Variants in UROS observed in about 807,000 individuals in gnomAD.
The protein encoded by UROS is uroporphyrinogen III synthase, also known as uroporphyrinogen-III synthase.
UROS carries 18 observed loss-of-function variants against 33.0 expected under a neutral mutation model. That is an observed-to-expected ratio of 0.55 (90% CI 0.38 to 0.81). The LOEUF (loss-of-function observed/expected upper bound fraction) is 0.81, where lower values mean the gene tolerates loss of function less well. Ranked by LOEUF, UROS falls within the 30% of genes least tolerant of loss-of-function variation. UROS has a pLI of 0.00. For synonymous variants in UROS, 114 were observed against 121.1 expected (o/e 0.94, Z 0.38); for missense variants, 293 against 314.9 (o/e 0.93, Z 0.53).
chr10:125,788,109 C>T (rs1237832807), downstream of UROS, among the ~76,000 whole-genome samples: 1 of 152,194 alleles, frequency 6.6e-6, no homozygotes, highest in African/African-American at 2.4e-5. Flanking sequence ...GGTGTGTGGG[C>T]AGAGCCTTCC....
rs375586027 is a variant in UROS at position 125,789,008 on chromosome 10, A to G, written c.661-3T>C. 148 of 1,612,738 alleles carry G rather than the reference A, an allele frequency of 9.2e-5. No homozygotes were observed. Among genetic ancestry groups the G allele is most frequent in the Non-Finnish European group, 1.2e-4 (145 of 1,179,958 alleles). On this transcript the variant is annotated splice_polypyrimidine_tract_variant and splice_region_variant and intron_variant, in intron 9 of 9. Transcript: ENST00000368797. ...GTAGTGGGGCCGATGGCTGCAAACTATAAAGACAGAAGAGAAAACAGGGCT... is the reference window on the plus strand; with the variant it reads ...GTAGTGGGGCCGATGGCTGCAAACTGTAAAGACAGAAGAGAAAACAGGGCT...
chr10:125,800,614 T>C (rs1851769775), intron 6 of UROS, among the ~76,000 whole-genome samples: 1 of 150,294 alleles, frequency 6.7e-6, no homozygotes, highest in Non-Finnish European at 1.5e-5. Flanking sequence ...CAGGCTGGAG[T>C]GCAGTGGTGC....
intron 6 of UROS, among the ~76,000 whole-genome samples, chr10:125,799,175 T>C (rs1851608819): frequency 6.6e-6 from 1 of 152,314 alleles, no homozygotes; most frequent in South Asian, 2.1e-4. Context: ...ATTTCAAGTG[T>C]ATAAAGGCTA....
At chr10:125,785,106 C>A (rs1850606394), downstream of UROS, 1 of 152,178 alleles carries the variant, frequency 6.6e-6, no homozygotes, top group South Asian at 2.1e-4. Flanking sequence ...GTAATAGTGG[C>A]TTAAACAAGA....
chr10:125,788,983 G>A lies in UROS; in HGVS notation c.683C>T (p.Thr228Met), dbSNP rs121908014. 46 of 1,612,774 alleles carry A rather than the reference G, an allele frequency of 2.9e-5. No homozygotes were observed. The highest frequency in any genetic ancestry group is 1.6e-4 in the Middle Eastern group (1 of 6,080). ...GCCCTGGGCGGCCAGCGCGCGAGCC[G>A]TAGTGGGGCCGATGGCTGCAAACTA... Reference protein sequence around the residue: ...QIKFAAIGPTTARALAAQGLP... With the variant: ...QIKFAAIGPTMARALAAQGLP... The change falls in exon 10 of 10, where the codon ACG becomes ATG. Residue 228 changes from threonine (T) to methionine (M), a missense_variant. Thr to Met is a moderately conservative substitution (Grantham distance 81). Coordinates refer to ENST00000368797, the MANE Select transcript of UROS (RefSeq NM_000375.3).
downstream of UROS, chr10:125,788,553 A>G: frequency 7.9e-7 from 1 of 1,267,998 alleles, no homozygotes; most frequent in Non-Finnish European, 1.0e-6. Context: ...CTTTGCACTT[A>G]AAATGACACA....
At chr10:125,807,077 A>T (rs1852397151) in intron 6 of UROS, 1 of 335,936 alleles carries the variant, frequency 3.0e-6, no homozygotes, top group African/African-American at 2.1e-5. Flanking sequence ...GACAGTCCTC[A>T]GTAAGGGGAG....
At chr10:125,789,412 G>A (rs1850762045) in intron 9 of UROS, 1 of 1,119,382 alleles carries the variant, frequency 8.9e-7, no homozygotes, top group Non-Finnish European at 1.1e-6. Context: ...GAATCCCCAA[G>A]AAAGTAGAGC....
Position 125,812,238 on chromosome 10 carries a change from C to A in UROS, c.295G>T (p.Val99Phe). Residue 99 changes from valine (V) to phenylalanine (F), a missense_variant, in exon 5 of 10, where the codon GTT becomes TTT. Transcript: ENST00000368797. The part of the protein sequence containing the change: ...EKWNAKSVYV[V>F]GNATASLVSK... ...CCTAGAGAAGCAGTAGCATTTCCAA[C>A]CACATACACTGACTTGGCATTCCAT... 3.1e-6 allele frequency: 5 copies of A among 1,613,898 alleles called. No homozygotes were observed. Among genetic ancestry groups the A allele is most frequent in the Non-Finnish European group, 4.2e-6 (5 of 1,179,962 alleles).
At chr10:125,805,356 G>A (rs1274969868) in intron 6 of UROS, among the ~76,000 whole-genome samples, 1 of 152,204 alleles carries the variant, frequency 6.6e-6, no homozygotes, top group Non-Finnish European at 1.5e-5. Context: ...AGAGCAGGTC[G>A]GCATGGAGCA....
At chr10:125,819,496 C>T (rs1298503090) in intron 1 of UROS, among the ~76,000 whole-genome samples, 8 of 152,124 alleles carry the variant, frequency 5.3e-5, no homozygotes, top group Admixed American at 5.2e-4. Flanking sequence ...GGCATCTGAT[C>T]CCTGTGCAGT....
intron 6 of UROS, chr10:125,802,831 ATGAGT>A (rs1851957294): frequency 6.7e-7 from 1 of 1,482,530 alleles, no homozygotes; most frequent in African/African-American, 1.4e-5. Context: ...GCTCCTGGAG[ATGAGT>A]TGAGGTCAGG....
At chr10:125,822,333 TTA>T (rs1554891386) in intron 1 of UROS, among the ~76,000 whole-genome samples, 1 of 151,450 alleles carries the variant, frequency 6.6e-6, no homozygotes, top group Admixed American at 6.6e-5. Flanking sequence ...TTTTTTTTTT[TTA>T]GATAGGGTCT....
intron 7 of UROS, 142 bp downstream of exon 7, chr10:125,797,923 C>T: frequency 1.1e-6 from 1 of 898,270 alleles, no homozygotes; most frequent in South Asian, 1.3e-5. Context: ...TGAGCATGGT[C>T]TCTGTGTCTC....
intron 4 of UROS, among the ~76,000 whole-genome samples, chr10:125,814,345 C>T (rs756747324): frequency 1.3e-5 from 2 of 152,132 alleles, no homozygotes; most frequent in African/African-American, 2.4e-5. Context: ...GTGGGTGGCC[C>T]GAGTGTGAGG....
intron 8 of UROS, among the ~76,000 whole-genome samples, chr10:125,795,634 C>T (rs7342100): frequency 0.46 from 69,440 of 152,018 alleles, 16,140 homozygotes; most frequent in African/African-American, 0.52. Flanking sequence ...CAGCCTCCCT[C>T]TCCAGTGTCT....
intron 5 of UROS, 115 bp downstream of exon 5, chr10:125,812,099 A>G: frequency 2.1e-6 from 2 of 970,432 alleles, no homozygotes; most frequent in Non-Finnish European, 3.2e-6. Flanking sequence ...TACTTAATTA[A>G]TTTTTGCAAA....
intron 6 of UROS, among the ~76,000 whole-genome samples, chr10:125,803,485 G>GT (rs1852019068): frequency 6.6e-6 from 1 of 152,210 alleles, no homozygotes; most frequent in Admixed American, 6.5e-5. Flanking sequence ...GGCTCTGTAG[G>GT]TTTTAAAGAA....
chr10:125,807,695 G>A (rs887938883), intron 5 of UROS, among the ~76,000 whole-genome samples: 1 of 152,158 alleles, frequency 6.6e-6, no homozygotes, highest in African/African-American at 2.4e-5. Context: ...AGTTGTGTAG[G>A]CTGGGTAAGT....
Sources: allele counts gnomAD v4.1 joint callset (sites outside exome capture counted in the v4.1 genomes callset), GRCh38; gene constraint gnomAD v4.1.1; transcripts MANE v1.5; gene names NCBI Gene and HGNC (gene_info 2026-07-23, HGNC 2026-07-21).